The following RAD51B variants were observed in gnomAD, a reference collection of about 807,000 sequenced individuals.
The protein encoded by RAD51B is DNA repair protein RAD51 homolog 2.
A neutral mutation model predicts 42.2 loss-of-function variants in RAD51B; 38 were observed. The observed-to-expected ratio is 0.90, with a 90% CI of 0.70 to 1.18. The LOEUF is 1.18. Ranked by LOEUF, RAD51B falls within the 50% of genes most tolerant of loss-of-function variation. The probability of loss-of-function intolerance (pLI) is 0.00; values close to 1 mark genes in which losing one functional copy is unlikely to be tolerated. For missense variants in RAD51B, 373 were observed against 400.7 expected, an observed-to-expected ratio of 0.93 and a Z score of 0.59; for synonymous variants, 154 against 145.2, an observed-to-expected ratio of 1.06 and a Z score of -0.43.
intron 10 of RAD51B, among the ~76,000 whole-genome samples, chr14:68,573,980 A>G (rs201763010): frequency 1.0e-4 from 15 of 149,814 alleles, no homozygotes; most frequent in East Asian, 5.9e-4. Flanking sequence ...CAGTGTGTGT[A>G]TGTGTGTGTG....
Position 68,121,951 on chromosome 14 carries a change from TTA to T in RAD51B, c.757-169921_757-169920del, listed in dbSNP as rs902296088. Among the ~76,000 whole-genome samples, 9 of 151,290 alleles carry T rather than the reference TTA, an allele frequency of 5.9e-5. No homozygotes were observed. The East Asian group carries it at 1.4e-3, about 23-fold the overall frequency. ...GGAGTATAAGATATATATACATATC[TTA>T]TATATATATATTTCACATAAGATAA... On this transcript the variant is annotated intron_variant, in intron 7 of 10. Coordinates refer to ENST00000471583, the MANE Select transcript of RAD51B (RefSeq NM_133510.4).
At chr14:67,913,717 C>G (rs1428679973) in intron 7 of RAD51B, among the ~76,000 whole-genome samples, 1 of 151,990 alleles carries the variant, frequency 6.6e-6, no homozygotes, top group Non-Finnish European at 1.5e-5. Context: ...TATTTTGATA[C>G]AGGCATACAG....
intron 7 of RAD51B, among the ~76,000 whole-genome samples, chr14:68,100,399 G>A (rs557404305): frequency 1.3e-5 from 2 of 152,206 alleles, no homozygotes; most frequent in South Asian, 4.1e-4. Context: ...CCAGGCTCTT[G>A]AACTCCTGAT....
At chr14:68,333,928 C>T (rs2082397498) in intron 8 of RAD51B, among the ~76,000 whole-genome samples, 2 of 152,126 alleles carry the variant, frequency 1.3e-5, no homozygotes, top group African/African-American at 2.4e-5. Context: ...TCTTCCCATC[C>T]CCCTCTCCAC....
At chr14:67,890,318 A>C (rs2043179835) in intron 7 of RAD51B, among the ~76,000 whole-genome samples, 1 of 151,854 alleles carries the variant, frequency 6.6e-6, no homozygotes, top group South Asian at 2.1e-4. Flanking sequence ...GCTCCAGGAC[A>C]CTCAACATAG....
intron 7 of RAD51B, among the ~76,000 whole-genome samples, chr14:68,260,319 G>GTGTGTGTGTGT (rs1555383057): frequency 1.2e-4 from 17 of 136,122 alleles, no homozygotes; most frequent in South Asian, 2.2e-4. Flanking sequence ...GTGTGTGTGT[G>GTGTGTGTGTGT]GAGAGGGGAA....
At chr14:67,928,716 GC>G in intron 7 of RAD51B, among the ~76,000 whole-genome samples, 4 of 151,934 alleles carry the variant, frequency 2.6e-5, no homozygotes, top group Admixed American at 2.6e-4. Context: ...ATCAAAGCTT[GC>G]CGTCTTTAAG....
rs74668118 is a variant in RAD51B at position 68,108,796 on chromosome 14, G to A, written c.757-183088G>A. 8.0e-3 allele frequency among the ~76,000 whole-genome samples: 1,212 copies of A among 151,946 alleles called. 30 individuals are homozygous for A. The highest frequency in any genetic ancestry group is 0.061 in the East Asian group (314 of 5,184). On this transcript the variant is annotated intron_variant, in intron 7 of 10. Transcript: ENST00000471583. ...AGTAATATCTCAATAAAATTGTTAC[G>A]TATATATTTTTTAAACCTATTAATT...
intron 10 of RAD51B, among the ~76,000 whole-genome samples, chr14:68,539,225 C>T (rs573940564): frequency 6.6e-6 from 1 of 152,312 alleles, no homozygotes; most frequent in African/African-American, 2.4e-5. Flanking sequence ...AATGGATTTT[C>T]TCACTTTGAC....
chr14:68,127,244 A>G (rs2077780817), intron 7 of RAD51B, among the ~76,000 whole-genome samples: 1 of 152,104 alleles, frequency 6.6e-6, no homozygotes, highest in Non-Finnish European at 1.5e-5. Context: ...GTAGCTATAG[A>G]TCAGGCAACA....
intron 7 of RAD51B, among the ~76,000 whole-genome samples, chr14:68,027,436 G>T (rs1375542844): frequency 1.3e-5 from 2 of 152,080 alleles, no homozygotes; most frequent in Admixed American, 1.3e-4. Flanking sequence ...TATTTTCCAA[G>T]TTGCTTACTC....
chr14:67,962,539 A>G (rs1470201165), intron 7 of RAD51B, among the ~76,000 whole-genome samples: 1 of 152,218 alleles, frequency 6.6e-6, no homozygotes, highest in Non-Finnish European at 1.5e-5. Context: ...GCAATACTAC[A>G]GGAGCTATGT....
chr14:68,429,267 C>T (rs1375731238), intron 9 of RAD51B, among the ~76,000 whole-genome samples: 1 of 152,220 alleles, frequency 6.6e-6, no homozygotes, highest in Non-Finnish European at 1.5e-5. Flanking sequence ...TGGGTATATA[C>T]CCAGTAATGG....
intron 7 of RAD51B, among the ~76,000 whole-genome samples, chr14:68,046,565 C>T (rs562278330): frequency 2.6e-5 from 4 of 152,282 alleles, no homozygotes; most frequent in South Asian, 4.1e-4. Context: ...ATGGTGAAAC[C>T]CTGTCTCTGC....
At chr14:68,021,796 C>A (rs1417516763) in intron 7 of RAD51B, among the ~76,000 whole-genome samples, 2 of 152,130 alleles carry the variant, frequency 1.3e-5, no homozygotes, top group Non-Finnish European at 2.9e-5. Flanking sequence ...TGTATCATAG[C>A]ATTATGTCTA....
In RAD51B at chr14:67,887,102, G is replaced by A; in HGVS notation, c.654G>A (p.Lys218=). 6.3e-7 allele frequency: 1 copy of A among 1,595,624 alleles called. No individual in the cohort carries two copies. Among genetic ancestry groups the A allele is most frequent in the Non-Finnish European group, 8.6e-7 (1 of 1,164,500 alleles). Residue 218 remains lysine (K), a synonymous_variant, in exon 7 of 11, where the codon AAG becomes AAA. Transcript: ENST00000471583. ...ILDSVASVVR[K]EFDAQLQGNL... ...ACTCTGTTGCTTCTGTGGTCAGAAA[G>A]GAGTTTGATGCACAACTTCAAGGCA...
intron 8 of RAD51B, among the ~76,000 whole-genome samples, chr14:68,370,573 G>A (rs1282522694): frequency 6.6e-6 from 1 of 152,086 alleles, no homozygotes; most frequent in Non-Finnish European, 1.5e-5. Context: ...GACTGTAAGG[G>A]GGCCACATGA....
At chr14:68,335,312 A>G (rs1243387528) in intron 8 of RAD51B, among the ~76,000 whole-genome samples, 67 of 136,880 alleles carry the variant, frequency 4.9e-4, no homozygotes, top group South Asian at 4.3e-3. Flanking sequence ...AAAAAAAAAA[A>G]AGAAAAGAAA....
Position 68,240,168 on chromosome 14 carries a change from T to G in RAD51B, c.757-51716T>G, listed in dbSNP as rs1050898896. 3.3e-5 allele frequency among the ~76,000 whole-genome samples: 5 copies of G among 152,148 alleles called. No individual in the cohort carries two copies. The East Asian group carries it at 5.8e-4, about 18-fold the overall frequency. On this transcript the variant is annotated intron_variant, in intron 7 of 10. Transcript: ENST00000471583. ...TATAAAGACTGCCTTGGATCTCTAG[T>G]TTTTTTTCATCTCAGAACAGACCTC...
Sources: allele counts gnomAD v4.1 joint callset (sites outside exome capture counted in the v4.1 genomes callset), GRCh38; gene constraint gnomAD v4.1.1; transcripts MANE v1.5; gene names NCBI Gene and HGNC (gene_info 2026-07-23, HGNC 2026-07-21).